The following GCC2 variants were observed in gnomAD, a reference collection of about 807,000 sequenced individuals.
GCC2 encodes the protein GRIP and coiled-coil domain-containing protein 2.
In GCC2, 120 loss-of-function variants were observed where a neutral mutation model predicts 210.6. The ratio of observed to expected loss-of-function variants is 0.57; its 90% CI spans 0.49 to 0.66. The LOEUF (loss-of-function observed/expected upper bound fraction) is 0.66, where lower values mean the gene tolerates loss of function less well. Ranked by LOEUF, GCC2 falls within the 30% of genes least tolerant of loss-of-function variation. The probability of loss-of-function intolerance (pLI) is 0.00; values close to 1 mark genes in which losing one functional copy is unlikely to be tolerated. For synonymous variants in GCC2, 703 were observed against 652.7 expected (o/e 1.08, Z -1.17); for missense variants, 1,868 against 1,871.9 (o/e 1.00, Z 0.04).
At chr2:108,488,576 TTAG>T (rs1479281801) in intron 17 of GCC2, among the ~76,000 whole-genome samples, 1 of 152,242 alleles carries the variant, frequency 6.6e-6, no homozygotes, top group East Asian at 1.9e-4. Flanking sequence ...AATTTTAAAT[TTAG>T]TACTGAATTT....
At chr2:108,497,212 G>A in intron 21 of GCC2, 103 bp downstream of exon 21, 1 of 1,582,272 alleles carries the variant, frequency 6.3e-7, no homozygotes, top group Non-Finnish European at 8.7e-7. Context: ...CACCTCCCAG[G>A]TTCACGCCAT....
chr2:108,449,507 C>T (rs1018787792), intron 1 of GCC2, 126 bp from the exon 2 acceptor site: 44 of 1,227,520 alleles, frequency 3.6e-5, no homozygotes, highest in Non-Finnish European at 4.7e-5. Flanking sequence ...CGCCCTCATT[C>T]TCTGTCTCAC....
intron 15 of GCC2, among the ~76,000 whole-genome samples, chr2:108,486,279 A>G (rs1682135545): frequency 6.6e-6 from 1 of 152,194 alleles, no homozygotes; most frequent in South Asian, 2.1e-4. Context: ...TATGTTAAAT[A>G]TGTAGTCTGG....
chr2:108,487,626 T>A (rs757013178), intron 16 of GCC2, 73 bp from the exon 17 acceptor site: 1 of 1,379,642 alleles, frequency 7.2e-7, no homozygotes, highest in African/African-American at 1.5e-5. Flanking sequence ...TTATCTCAAT[T>A]TGTTAATCTC....
chr2:108,465,924 G>T (rs543133318), intron 4 of GCC2, among the ~76,000 whole-genome samples: 1 of 151,962 alleles, frequency 6.6e-6, no homozygotes, highest in Non-Finnish European at 1.5e-5. Context: ...GCACAATCTC[G>T]GCTCACCGCA....
intron 4 of GCC2, among the ~76,000 whole-genome samples, chr2:108,453,872 C>T (rs1390759501): frequency 6.6e-6 from 1 of 151,890 alleles, no homozygotes; most frequent in Non-Finnish European, 1.5e-5. Flanking sequence ...TTCATTCCCT[C>T]ACTTTCATTG....
chr2:108,465,244 T>C (rs759886681), intron 4 of GCC2, among the ~76,000 whole-genome samples: 6 of 152,256 alleles, frequency 3.9e-5, no homozygotes, highest in Admixed American at 1.3e-4. Flanking sequence ...TATGTAATTA[T>C]CTACTCACTA....
At chr2:108,479,996 A>AC (rs1558747480) in intron 9 of GCC2, among the ~76,000 whole-genome samples, 1 of 64,286 alleles carries the variant, frequency 1.6e-5, no homozygotes, top group Non-Finnish European at 4.1e-5. Flanking sequence ...AAAAAAAAAA[A>AC]AAAAAAAAAA....
intron 4 of GCC2, 56 bp from the exon 5 acceptor site, chr2:108,468,924 A>G (rs1681042166): frequency 9.3e-7 from 1 of 1,079,334 alleles, no homozygotes; most frequent in Non-Finnish European, 1.4e-6. Flanking sequence ...ATAATTACGC[A>G]TGTGGTCAAT....
At chr2:108,496,051 T>G (rs4012146) in intron 20 of GCC2, 1 of 152,154 alleles carries the variant, frequency 6.6e-6, no homozygotes, top group Non-Finnish European at 1.5e-5. Flanking sequence ...AACCATCACA[T>G]TGTCCAAATG....
chr2:108,453,428 C>G (rs1397740102), intron 4 of GCC2, among the ~76,000 whole-genome samples: 1 of 152,182 alleles, frequency 6.6e-6, no homozygotes, highest in Non-Finnish European at 1.5e-5. Flanking sequence ...GGTTCTCTTT[C>G]TCTTTTTAGT....
chr2:108,461,601 G>A (rs1680575855), intron 4 of GCC2, among the ~76,000 whole-genome samples: 2 of 152,018 alleles, frequency 1.3e-5, no homozygotes, highest in South Asian at 2.1e-4. Context: ...CACCTCCCGG[G>A]TTCAAGTGAT....
intron 20 of GCC2, chr2:108,495,884 C>A (rs1682626256): frequency 6.3e-6 from 1 of 159,798 alleles, no homozygotes; most frequent in African/African-American, 2.4e-5. Context: ...TTTATATTCG[C>A]TGGTAGCTGA....
chr2:108,499,360 AT>A (rs1682802239), intron 21 of GCC2, among the ~76,000 whole-genome samples, 192 bp from the exon 22 acceptor site: 1 of 151,586 alleles, frequency 6.6e-6, no homozygotes. Context: ...AATGGATTTT[AT>A]ACGGTGATGT....
intron 4 of GCC2, among the ~76,000 whole-genome samples, chr2:108,461,830 C>CTTTTTTTTTTTTT (rs1313525353): frequency 6.4e-5 from 8 of 124,078 alleles, no homozygotes; most frequent in African/African-American, 1.9e-4. Context: ...TTTTTTTTTT[C>CTTTTTTTTTTTTT]TTTTTCTTTT....
At chr2:108,451,691 T>C (rs372218288) in intron 3 of GCC2, among the ~76,000 whole-genome samples, 10 of 152,144 alleles carry the variant, frequency 6.6e-5, no homozygotes, top group Admixed American at 5.9e-4. Context: ...CTAAGACTTA[T>C]TTTCTATTAG....
At chr2:108,455,381 G>C (rs1641624525) in intron 4 of GCC2, among the ~76,000 whole-genome samples, 1 of 152,098 alleles carries the variant, frequency 6.6e-6, no homozygotes, top group Admixed American at 6.5e-5. Flanking sequence ...AGAGGTTGCA[G>C]TGAGCTGAGA....
At chr2:108,453,158 C>A (rs1275441242) in intron 4 of GCC2, among the ~76,000 whole-genome samples, 2 of 152,120 alleles carry the variant, frequency 1.3e-5, no homozygotes, top group Non-Finnish European at 2.9e-5. Context: ...GTTGTGTTTC[C>A]CTCTCACACA....
At chr2:108,461,003 C>T (rs1311748886) in intron 4 of GCC2, among the ~76,000 whole-genome samples, 1 of 152,198 alleles carries the variant, frequency 6.6e-6, no homozygotes, top group Non-Finnish European at 1.5e-5. Context: ...GCCTCCCCAG[C>T]CATGCTTCCT....
Sources: allele counts gnomAD v4.1 joint callset (sites outside exome capture counted in the v4.1 genomes callset), GRCh38; gene constraint gnomAD v4.1.1; transcripts MANE v1.5; gene names NCBI Gene and HGNC (gene_info 2026-07-23, HGNC 2026-07-21).